MYH11: variants seen among roughly 807,000 people sequenced by gnomAD.
MYH11 encodes myosin heavy chain 11.
Under a neutral mutation model 246.6 loss-of-function variants are expected in MYH11, and 80 were observed. The observed-to-expected ratio is 0.32, with a 90% confidence interval of 0.27 to 0.39. MYH11 has a LOEUF of 0.39. Ranked by LOEUF, MYH11 falls within the 10% of genes least tolerant of loss-of-function variation. The pLI is 1.00. For missense variants in MYH11, 2,158 were observed against 2,546.8 expected (o/e 0.85, Z 3.29); for synonymous variants, 1,071 against 1,015.5 (o/e 1.05, Z -1.04).
Position 15,750,745 on chromosome 16 carries a change from A to C in MYH11, c.1865-414T>G, listed in dbSNP as rs1209926631. ...GCCTCCAATCTTTCATCCACCAACA[A>C]ATAGTTATTGAGGACCTTCTGTGCT... On this transcript the variant is annotated intron_variant, in intron 15 of 40. Coordinates refer to ENST00000300036, the MANE Select transcript of MYH11 (RefSeq NM_002474.3). The surrounding 1 kb of genome is among the most constrained non-coding windows in gnomAD (Gnocchi z 4.3). Among the ~76,000 whole-genome samples, 1 of 151,902 alleles carries C rather than the reference A, an allele frequency of 6.6e-6. No individual in the cohort carries two copies. Among genetic ancestry groups the C allele is most frequent in the Admixed American group, 6.6e-5 (1 of 15,242 alleles).
chr16:15,719,354 G>A, intron 35 of MYH11, 46 bp from the exon 36 acceptor site: 1 of 1,589,584 alleles, frequency 6.3e-7, no homozygotes, highest in Non-Finnish European at 8.6e-7. Flanking sequence ...GAAAGGCCAA[G>A]CCCCACCAAG....
At chr16:15,710,247 G>A (rs2039704150) in intron 40 of MYH11, among the ~76,000 whole-genome samples, 1 of 152,150 alleles carries the variant, frequency 6.6e-6, no homozygotes, top group South Asian at 2.1e-4. Context: ...GGCCGGCCGG[G>A]CATGGTGGCT....
intron 2 of MYH11, among the ~76,000 whole-genome samples, chr16:15,831,464 G>GGGGTGTGTGT (rs138443794): frequency 4.2e-4 from 61 of 145,690 alleles, no homozygotes; most frequent in East Asian, 3.8e-3. Context: ...TTATGTTTGG[G>GGGGTGTGTGT]GTGTGTGTGT....
chr16:15,721,375 G>T, intron 32 of MYH11, 47 bp downstream of exon 32: 1 of 1,584,532 alleles, frequency 6.3e-7, no homozygotes, highest in South Asian at 1.1e-5. Flanking sequence ...AGCACAGAGG[G>T]TGGGCAGGCG....
chr16:15,760,323 T>C (rs1459761842), intron 11 of MYH11, among the ~76,000 whole-genome samples: 3 of 151,336 alleles, frequency 2.0e-5, no homozygotes, highest in Non-Finnish European at 4.4e-5. Flanking sequence ...GGAGAGATGA[T>C]GGGTGAGCAG....
chr16:15,769,847 G>T (rs1425534028), intron 9 of MYH11, among the ~76,000 whole-genome samples: 1 of 151,216 alleles, frequency 6.6e-6, no homozygotes, highest in African/African-American at 2.4e-5. Flanking sequence ...TTTTTGTAGA[G>T]ACAGAGTCTC....
intron 40 of MYH11, among the ~76,000 whole-genome samples, chr16:15,709,340 A>G (rs748076191): frequency 3.3e-5 from 5 of 151,480 alleles, no homozygotes; most frequent in Non-Finnish European, 5.9e-5. Flanking sequence ...CAGTTTTTTG[A>G]TACTCTGTCA....
intron 22 of MYH11, among the ~76,000 whole-genome samples, chr16:15,740,395 G>C (rs545219866): frequency 4.2e-4 from 64 of 152,048 alleles, no homozygotes; most frequent in African/African-American, 1.5e-3. Context: ...ATCACTTGAG[G>C]TCAGGAATTC....
chr16:15,771,724 G>C lies in MYH11; in HGVS notation c.890-12C>G. On this transcript the variant is annotated splice_polypyrimidine_tract_variant and intron_variant, in intron 8 of 40. Coordinates refer to ENST00000300036, the MANE Select transcript of MYH11 (RefSeq NM_002474.3). ...CAAAAGCAAGTCACCTAGAAGGAGA[G>C]GAAGACAGGTCAGGGTCAATAAGAC... is the stretch of plus-strand genomic sequence containing the variant. 1 of 1,614,132 alleles carries C rather than the reference G, an allele frequency of 6.2e-7. No individual in the cohort carries two copies. Among genetic ancestry groups the C allele is most frequent in the Non-Finnish European group, 8.5e-7 (1 of 1,180,000 alleles).
chr16:15,757,021 A>G (rs1236808213), intron 13 of MYH11, among the ~76,000 whole-genome samples: 1 of 149,850 alleles, frequency 6.7e-6, no homozygotes, highest in Admixed American at 6.6e-5. Context: ...GATGGTCTCC[A>G]TCTCCTGACC....
intron 38 of MYH11, among the ~76,000 whole-genome samples, chr16:15,715,585 G>A (rs1322927483): frequency 6.6e-6 from 1 of 152,184 alleles, no homozygotes; most frequent in East Asian, 1.9e-4. Context: ...GATTATGGTT[G>A]CCAGGGACTG....
intron 10 of MYH11, among the ~76,000 whole-genome samples, chr16:15,761,148 TC>T (rs1335156294): frequency 1.3e-5 from 2 of 152,180 alleles, no homozygotes; most frequent in African/African-American, 4.8e-5. Flanking sequence ...TCTCGCTCTG[TC>T]GCCCAGGCTG....
intron 38 of MYH11, among the ~76,000 whole-genome samples, chr16:15,716,631 C>T (rs1308783262): frequency 6.6e-6 from 1 of 152,184 alleles, no homozygotes; most frequent in Non-Finnish European, 1.5e-5. Context: ...GAGTGATTCT[C>T]CTGCCTCAGT....
intron 9 of MYH11, among the ~76,000 whole-genome samples, chr16:15,769,863 G>A (rs1264639534): frequency 2.6e-5 from 4 of 151,208 alleles, no homozygotes; most frequent in Admixed American, 2.6e-4. Context: ...GTCTCACTGT[G>A]TTATCCAGGC....
rs1680622570 is a variant in MYH11, at chr16:15,776,120, T to G, written c.847A>C (p.Ile283Leu). 1 of 1,614,116 alleles carries G rather than the reference T, an allele frequency of 6.2e-7. No homozygotes were observed. The highest frequency in any genetic ancestry group is 1.7e-5 in the Admixed American group (1 of 60,018). ...GCTCCAGCAATCATGTAGTAAAAGA[T>G]GTGGAATGTCCTCTCGTCTCTGGCT... ...RQARDERTFH[I>L]FYYMIAGAKE... is the part of the protein sequence containing the mutation. Residue 283 changes from isoleucine (I) to leucine (L), a missense_variant, in exon 8 of 41, where the codon ATC becomes CTC. By Grantham distance (5) the Ile-to-Leu change is conservative. Coordinates refer to ENST00000300036, the MANE Select transcript of MYH11 (RefSeq NM_002474.3).
At chr16:15,824,122 T>A (rs79200667) in intron 2 of MYH11, among the ~76,000 whole-genome samples, 2 of 47,410 alleles carry the variant, frequency 4.2e-5, no homozygotes, top group African/African-American at 3.1e-4. Flanking sequence ...GCTCATCATT[T>A]AACAGGTGGC....
chr16:15,705,917 G>A (rs547751572), intron 40 of MYH11, among the ~76,000 whole-genome samples: 7 of 142,862 alleles, frequency 4.9e-5, no homozygotes, highest in South Asian at 2.3e-4. Flanking sequence ...CCCAGGAGGC[G>A]GAGCTTGCAG....
At chr16:15,774,624 C>G (rs976386989) in intron 8 of MYH11, among the ~76,000 whole-genome samples, 1 of 152,224 alleles carries the variant, frequency 6.6e-6, no homozygotes, top group African/African-American at 2.4e-5. Context: ...GAGTCTCACT[C>G]TATCGCCTAG....
chr16:15,746,866 T>G (rs146376589), intron 19 of MYH11, among the ~76,000 whole-genome samples: 19 of 152,236 alleles, frequency 1.2e-4, no homozygotes, highest in African/African-American at 4.6e-4. Context: ...GGCAGGTGGA[T>G]CACTTGAGAC....
Sources: gnomAD v4.1 joint callset for allele counts (sites outside exome capture counted in the v4.1 genomes callset) on GRCh38, gnomAD v4.1.1 for gene constraint, Gnocchi (gnomAD v3.1) non-coding constraint, MANE v1.5 for transcripts, NCBI Gene and HGNC (gene_info 2026-07-23, HGNC 2026-07-21) for gene names.